The following TEKT5 variants were observed in gnomAD, a reference collection of about 807,000 sequenced individuals.
The protein encoded by TEKT5 is tektin 5.
A neutral mutation model predicts 48.7 loss-of-function variants in TEKT5; 52 were observed. The observed-to-expected ratio is 1.07, with a 90% CI of 0.86 to 1.35. The LOEUF is 1.35. Among genes scored for constraint, TEKT5 ranks in the 40% most tolerant of loss-of-function variants. The pLI is 0.00. For synonymous variants in TEKT5, 318 were observed against 267.6 expected (o/e 1.19, Z -1.84); for missense variants, 831 against 641.6 (o/e 1.30, Z -3.19).
intron 5 of TEKT5, among the ~76,000 whole-genome samples, chr16:10,644,304 A>C (rs537249173): frequency 6.6e-6 from 1 of 152,158 alleles, no homozygotes; most frequent in Non-Finnish European, 1.5e-5. Flanking sequence ...CCCAGAGAGG[A>C]GCTGTAAACA....
intron 1 of TEKT5, among the ~76,000 whole-genome samples, chr16:10,691,871 C>A (rs1038788112): frequency 4.7e-5 from 7 of 149,392 alleles, no homozygotes; most frequent in Non-Finnish European, 7.4e-5. Flanking sequence ...TGGCGTGGAC[C>A]CGGGAGGCGG....
chr16:10,664,647 G>T (rs1898429580), intron 5 of TEKT5, among the ~76,000 whole-genome samples: 1 of 152,218 alleles, frequency 6.6e-6, no homozygotes. Flanking sequence ...TGGCACTAAG[G>T]CTGAGAGCGG....
chr16:10,692,208 G>A (rs1399596146), intron 1 of TEKT5, among the ~76,000 whole-genome samples: 1 of 152,152 alleles, frequency 6.6e-6, no homozygotes, highest in Non-Finnish European at 1.5e-5. Context: ...ATGGGGGAGT[G>A]AGAAGAGAAT....
At chr16:10,682,924 G>T (rs1015743058) in intron 3 of TEKT5, among the ~76,000 whole-genome samples, 1 of 152,176 alleles carries the variant, frequency 6.6e-6, no homozygotes, top group Admixed American at 6.5e-5. Flanking sequence ...ATCAATCATT[G>T]TGTCTGACCC....
chr16:10,647,714 C>T (rs1023564175), intron 5 of TEKT5, among the ~76,000 whole-genome samples: 3 of 152,198 alleles, frequency 2.0e-5, no homozygotes, highest in African/African-American at 7.2e-5. Flanking sequence ...TGAAACTTTA[C>T]AAAAGGCCTG....
chr16:10,658,767 G>C (rs1898308745), intron 5 of TEKT5, among the ~76,000 whole-genome samples: 2 of 151,808 alleles, frequency 1.3e-5, no homozygotes, highest in South Asian at 4.2e-4. Context: ...ACCCAGGCTG[G>C]AGTGCAGTGG....
chr16:10,670,634 C>T (rs1288257943), intron 5 of TEKT5, among the ~76,000 whole-genome samples: 1 of 152,110 alleles, frequency 6.6e-6, no homozygotes, highest in African/African-American at 2.4e-5. Flanking sequence ...TAGAATAACA[C>T]CATGTGAAAT....
chr16:10,657,520 C>T (rs891854488), intron 5 of TEKT5, among the ~76,000 whole-genome samples: 5 of 152,044 alleles, frequency 3.3e-5, no homozygotes, highest in African/African-American at 4.8e-5. Context: ...TAACCAATGA[C>T]TTCCAAAGTG....
chr16:10,691,176 T>TA (rs34542843), intron 1 of TEKT5: 89,361 of 152,064 alleles, frequency 0.59, 26,796 homozygotes, highest in East Asian at 0.79. Context: ...CAAAAAATTT[T>TA]AAATTAGCCA....
intron 3 of TEKT5, among the ~76,000 whole-genome samples, chr16:10,688,237 C>T (rs989503783): frequency 1.3e-5 from 2 of 152,210 alleles, no homozygotes; most frequent in African/African-American, 4.8e-5. Context: ...ACCTCCACCC[C>T]GATGTCTTTC....
At chr16:10,656,555 CTTGAT>C (rs1372172962) in intron 5 of TEKT5, among the ~76,000 whole-genome samples, 1 of 151,898 alleles carries the variant, frequency 6.6e-6, no homozygotes, top group African/African-American at 2.4e-5. Flanking sequence ...ACCCAGCCAT[CTTGAT>C]TTATTTATTG....
intron 1 of TEKT5, among the ~76,000 whole-genome samples, chr16:10,691,098 C>A (rs933583108): frequency 6.6e-6 from 1 of 152,244 alleles, no homozygotes; most frequent in South Asian, 2.1e-4. Flanking sequence ...AATCTCAACA[C>A]TTTGGGAAGC....
intron 5 of TEKT5, among the ~76,000 whole-genome samples, chr16:10,658,736 G>C (rs1243627345): frequency 8.0e-6 from 1 of 125,110 alleles, no homozygotes; most frequent in Non-Finnish European, 1.7e-5. Context: ...TTTTTTTTTT[G>C]AGACAGAGTC....
rs144216543 is a variant in TEKT5, at chr16:10,672,709, A to T, written c.1086+3250T>A. On this transcript the variant is annotated intron_variant, in intron 5 of 6. Coordinates refer to ENST00000283025, the MANE Select transcript of TEKT5 (RefSeq NM_144674.2). ...GGTTAAATCAGGAGCAGTGCTCTGA[A>T]AACATATAGGCAAGTAAATCAACTA... Among the ~76,000 whole-genome samples, 8 of 152,330 alleles carry T rather than the reference A, an allele frequency of 5.3e-5. No homozygotes were observed. In the East Asian group the frequency reaches 1.5e-3, roughly 29 times the overall value.
chr16:10,636,734 C>A (rs1380953438), intron 5 of TEKT5, among the ~76,000 whole-genome samples: 1 of 148,472 alleles, frequency 6.7e-6, no homozygotes, highest in East Asian at 2.0e-4. Context: ...TGTATTCAAA[C>A]AGACTCAGAG....
rs926215763 is a variant in TEKT5, at chr16:10,680,426, C to T, written c.863+1567G>A. Among the ~76,000 whole-genome samples the T allele has an allele frequency of 6.6e-5, 10 of 151,322 alleles. 2 individuals carry two copies. The South Asian group carries it at 8.5e-4, about 13-fold the overall frequency. On this transcript the variant is annotated intron_variant, in intron 4 of 6. Coordinates refer to ENST00000283025, the MANE Select transcript of TEKT5 (RefSeq NM_144674.2). ...TCAATAAAAATTTATTGCATACCAA[C>T]ATGTGCCAAGCACAATTCTATGTGC...
chr16:10,686,713 G>C (rs935715934), intron 3 of TEKT5, among the ~76,000 whole-genome samples: 3 of 152,068 alleles, frequency 2.0e-5, no homozygotes, highest in Admixed American at 6.6e-5. Flanking sequence ...CTCTGATAAG[G>C]GGTTACTATC....
chr16:10,667,276 G>A (rs539737810), intron 5 of TEKT5, among the ~76,000 whole-genome samples: 7 of 152,224 alleles, frequency 4.6e-5, no homozygotes, highest in South Asian at 2.1e-4. Context: ...GAGCCACCAC[G>A]CCTGGCTTCC....
intron 5 of TEKT5, among the ~76,000 whole-genome samples, chr16:10,656,382 C>T (rs572405602): frequency 6.6e-6 from 1 of 151,804 alleles, no homozygotes; most frequent in Admixed American, 6.6e-5. Context: ...CTCCTGAGTA[C>T]CTGGGACTAC....
Sources: gnomAD v4.1 joint callset for allele counts (sites outside exome capture counted in the v4.1 genomes callset) on GRCh38, gnomAD v4.1.1 for gene constraint, MANE v1.5 for transcripts, NCBI Gene and HGNC (gene_info 2026-07-23, HGNC 2026-07-21) for gene names.